Variants in CSMD1 observed in about 807,000 individuals in gnomAD.
CSMD1 encodes the protein CUB and Sushi multiple domains 1.
CSMD1 carries 213 observed loss-of-function variants against 417.5 expected under a neutral mutation model. That is an observed-to-expected ratio of 0.51 (90% CI 0.46 to 0.57). CSMD1 has a LOEUF of 0.57. CSMD1 is among the 20% of genes least tolerant of loss of function. The pLI is 0.00. For synonymous variants in CSMD1, 2,862 were observed against 1,736.8 expected, an observed-to-expected ratio of 1.65 and a Z score of -16.11; for missense variants, 6,923 against 4,529.7, an observed-to-expected ratio of 1.53 and a Z score of -15.17.
At chr8:4,435,249 T>C (rs1418664204) in intron 2 of CSMD1, among the ~76,000 whole-genome samples, 1 of 152,210 alleles carries the variant, frequency 6.6e-6, no homozygotes, top group Non-Finnish European at 1.5e-5. Context: ...AAAAAATGTA[T>C]GTTTTATAAG....
At chr8:3,656,693 T>C (rs1798127715) in intron 7 of CSMD1, among the ~76,000 whole-genome samples, 1 of 152,148 alleles carries the variant, frequency 6.6e-6, no homozygotes, top group African/African-American at 2.4e-5. Flanking sequence ...TTTGGGAGGC[T>C]GAGGCAGGCA....
chr8:4,274,627 C>T (rs150627477), intron 3 of CSMD1, among the ~76,000 whole-genome samples: 7 of 151,884 alleles, frequency 4.6e-5, no homozygotes, highest in African/African-American at 1.2e-4. Flanking sequence ...TATTAAATAT[C>T]GAACAAAAAT....
At chr8:3,582,548 A>C (rs1182901060) in intron 9 of CSMD1, among the ~76,000 whole-genome samples, 1 of 152,188 alleles carries the variant, frequency 6.6e-6, no homozygotes, top group Non-Finnish European at 1.5e-5. Context: ...TGAGGAAGAA[A>C]ATCATAACTG....
At position 4,548,076 on chromosome 8, in the gene CSMD1, G is replaced by A. The variant is rs571993287; in HGVS notation, c.302+89266C>T. Among the ~76,000 whole-genome samples the A allele has an allele frequency of 1.3e-3, 191 of 152,248 alleles. 1 individual carries two copies. The highest frequency in any genetic ancestry group is 4.5e-3 in the African/African-American group (185 of 41,542). On this transcript the variant is annotated intron_variant, in intron 2 of 69. Coordinates refer to ENST00000635120, the MANE Select transcript of CSMD1 (RefSeq NM_033225.6). ...CAATATATTAAATAAAAGGCACAGT[G>A]TAAAGAAGGAATTACAGCTTGTTCT... is the stretch of plus-strand genomic sequence containing the variant.
chr8:4,591,162 G>A (rs1004888945), intron 2 of CSMD1, among the ~76,000 whole-genome samples: 1 of 152,202 alleles, frequency 6.6e-6, no homozygotes, highest in Non-Finnish European at 1.5e-5. Context: ...TGTGTTGAGT[G>A]CTTACTGTTT....
intron 1 of CSMD1, among the ~76,000 whole-genome samples, chr8:4,858,712 T>G (rs1275393421): frequency 2.7e-5 from 4 of 148,416 alleles, no homozygotes; most frequent in Non-Finnish European, 4.5e-5. Flanking sequence ...TTACAAGGGA[T>G]GTGAAGGACC....
At chr8:3,862,893 T>C (rs1804814871) in intron 5 of CSMD1, among the ~76,000 whole-genome samples, 1 of 152,170 alleles carries the variant, frequency 6.6e-6, no homozygotes, top group Non-Finnish European at 1.5e-5. Flanking sequence ...TCTTAGTTCA[T>C]TCCAGGACCT....
intron 3 of CSMD1, among the ~76,000 whole-genome samples, chr8:4,100,460 A>C (rs1187583993): frequency 6.6e-6 from 1 of 152,162 alleles, no homozygotes; most frequent in Non-Finnish European, 1.5e-5. Flanking sequence ...TTTTATCTCC[A>C]AATGTTGCTT....
intron 8 of CSMD1, among the ~76,000 whole-genome samples, chr8:3,603,913 G>C (rs576669094): frequency 6.6e-6 from 1 of 152,280 alleles, no homozygotes; most frequent in Admixed American, 6.5e-5. Context: ...TACAGTATAT[G>C]ATGCAAAGAA....
chr8:4,147,207 T>C (rs1804191775), intron 3 of CSMD1, among the ~76,000 whole-genome samples: 1 of 151,832 alleles, frequency 6.6e-6, no homozygotes, highest in Admixed American at 6.6e-5. Flanking sequence ...ACACAACTAC[T>C]GAAAAAGAAA....
At chr8:4,127,511 C>T (rs890652903) in intron 3 of CSMD1, among the ~76,000 whole-genome samples, 1 of 149,596 alleles carries the variant, frequency 6.7e-6, no homozygotes, top group African/African-American at 2.5e-5. Context: ...CAACTGCAGA[C>T]TTCTCCCTCC....
intron 52 of CSMD1, among the ~76,000 whole-genome samples, chr8:3,000,882 T>C (rs1027361478): frequency 6.6e-6 from 1 of 152,136 alleles, no homozygotes; most frequent in African/African-American, 2.4e-5. Context: ...TCCATGTAGA[T>C]AGTAAAACAA....
intron 4 of CSMD1, among the ~76,000 whole-genome samples, chr8:4,027,084 C>G (rs370044128): frequency 3.9e-4 from 59 of 152,104 alleles, no homozygotes; most frequent in African/African-American, 1.1e-3. Context: ...CAGGATAGGT[C>G]GGCCACAGAA....
intron 11 of CSMD1, among the ~76,000 whole-genome samples, chr8:3,473,795 G>C (rs755213603): frequency 2.0e-5 from 3 of 152,116 alleles, no homozygotes; most frequent in Non-Finnish European, 2.9e-5. Context: ...TATTATCCAA[G>C]ACCTAGAGAC....
chr8:3,258,091 A>G (rs761712634), intron 26 of CSMD1, among the ~76,000 whole-genome samples: 20 of 152,320 alleles, frequency 1.3e-4, no homozygotes, highest in Admixed American at 8.5e-4. Flanking sequence ...GGTATGTCCA[A>G]TAAGGTTTCT....
intron 8 of CSMD1, among the ~76,000 whole-genome samples, chr8:3,601,064 G>A (rs141820888): frequency 6.6e-6 from 1 of 152,144 alleles, no homozygotes; most frequent in African/African-American, 2.4e-5. Context: ...TATCGTGGCA[G>A]CAAGCTTGAT....
At chr8:3,081,503 A>G (rs1041807544) in intron 49 of CSMD1, among the ~76,000 whole-genome samples, 1 of 152,198 alleles carries the variant, frequency 6.6e-6, no homozygotes, top group Non-Finnish European at 1.5e-5. Context: ...TTTTCAAATA[A>G]AATAATTAAA....
intron 3 of CSMD1, among the ~76,000 whole-genome samples, chr8:4,094,012 A>AG (rs1554445797): frequency 6.6e-6 from 1 of 152,048 alleles, no homozygotes; most frequent in African/African-American, 2.4e-5. Flanking sequence ...ATAGATAGAT[A>AG]AAGAAAAAAG....
intron 23 of CSMD1, among the ~76,000 whole-genome samples, chr8:3,321,923 G>C (rs1030828114): frequency 6.6e-6 from 1 of 152,134 alleles, no homozygotes; most frequent in East Asian, 1.9e-4. Context: ...TTTCAGAATG[G>C]ATTCAGTATT....
Sources: allele counts gnomAD v4.1 joint callset (sites outside exome capture counted in the v4.1 genomes callset), GRCh38; gene constraint gnomAD v4.1.1; transcripts MANE v1.5; gene names NCBI Gene and HGNC (gene_info 2026-07-23, HGNC 2026-07-21).